The following RAB38 variants were observed in gnomAD, a reference collection of about 807,000 sequenced individuals.
RAB38 encodes ras-related protein Rab-38.
A neutral mutation model predicts 18.4 loss-of-function variants in RAB38; 15 were observed. The observed-to-expected ratio is 0.82, with a 90% confidence interval of 0.55 to 1.26. RAB38 has a LOEUF of 1.26. RAB38 is among the 50% of genes most tolerant of loss of function. RAB38 has a pLI of 0.00. For missense variants in RAB38, 294 were observed against 267.4 expected, an observed-to-expected ratio of 1.10 and a Z score of -0.69; for synonymous variants, 101 against 104.4, an observed-to-expected ratio of 0.97 and a Z score of 0.20.
At chr11:87,814,756 CAG>C in the RAB38 span, among the ~76,000 whole-genome samples, 7 of 147,822 alleles carry the variant, frequency 4.7e-5, no homozygotes, top group African/African-American at 1.8e-4. Context: ...TTTTTTGAGA[CAG>C]AGTCTCGCTC....
At chr11:88,043,420 C>A in the RAB38 span, among the ~76,000 whole-genome samples, 1 of 152,148 alleles carries the variant, frequency 6.6e-6, no homozygotes, top group South Asian at 2.1e-4. Context: ...TGTCAGACCT[C>A]TGAGCCCAAG....
chr11:87,901,340 C>T, the RAB38 span, among the ~76,000 whole-genome samples: 1 of 151,510 alleles, frequency 6.6e-6, no homozygotes. Context: ...AAACTACATG[C>T]CAAACCTATT....
chr11:88,058,811 T>C, the RAB38 span, among the ~76,000 whole-genome samples: 1 of 152,216 alleles, frequency 6.6e-6, no homozygotes, highest in African/African-American at 2.4e-5. Flanking sequence ...CTCTAATGTG[T>C]CTGGTTTGCC....
chr11:88,067,986 T>C, the RAB38 span, among the ~76,000 whole-genome samples: 2 of 147,878 alleles, frequency 1.4e-5, no homozygotes, highest in Non-Finnish European at 3.0e-5. Context: ...TATATACTTA[T>C]ATATATACAC....
At chr11:87,831,930 G>GT in the RAB38 span, among the ~76,000 whole-genome samples, 2 of 152,158 alleles carry the variant, frequency 1.3e-5, no homozygotes, top group Admixed American at 6.5e-5. Context: ...TAGGTTCAGG[G>GT]TAATTAAGGG....
rs201666552 is a variant in RAB38 at position 88,113,955 on chromosome 11, G to A, written c.*33C>T. The A allele has an allele frequency of 5.5e-5, 88 of 1,612,870 alleles. 1 individual carries two copies. The East Asian group carries it at 1.9e-3, about 36-fold the overall frequency. On this transcript the variant is annotated 3_prime_UTR_variant, in exon 3 of 3. Coordinates refer to ENST00000243662, the MANE Select transcript of RAB38 (RefSeq NM_022337.3). ...GAGGCACAATTTGTGGAACAATGAG[G>A]TCATTCCTACCAGACACCAGCAAAG... is the stretch of plus-strand genomic sequence containing the variant.
intron 1 of RAB38, among the ~76,000 whole-genome samples, chr11:88,172,953 T>C (rs1370657504): frequency 6.6e-6 from 1 of 152,228 alleles, no homozygotes; most frequent in Non-Finnish European, 1.5e-5. Context: ...ACTGAGATGT[T>C]GAATGTAACA....
chr11:88,120,647 C>G (rs932011801), intron 2 of RAB38, among the ~76,000 whole-genome samples: 3 of 152,184 alleles, frequency 2.0e-5, no homozygotes, highest in Admixed American at 2.0e-4. Flanking sequence ...ACAAAGGGAG[C>G]TCCTAAGATT....
At chr11:88,078,539 G>A in the RAB38 span, among the ~76,000 whole-genome samples, 11 of 125,990 alleles carry the variant, frequency 8.7e-5, no homozygotes, top group African/African-American at 3.5e-4. Context: ...ATATTATTAG[G>A]CCATAAAACA....
the RAB38 span, chr11:87,814,921 G>A: frequency 3.3e-5 from 5 of 152,092 alleles, no homozygotes; most frequent in African/African-American, 1.2e-4. Context: ...TTTTAGTAGA[G>A]ACAGGGTTTC....
the RAB38 span, among the ~76,000 whole-genome samples, chr11:87,935,619 G>A: frequency 6.6e-6 from 1 of 152,098 alleles, no homozygotes; most frequent in Non-Finnish European, 1.5e-5. Flanking sequence ...TAGCCTTACT[G>A]TTTTCCCCAG....
At chr11:88,083,168 C>T in the RAB38 span, among the ~76,000 whole-genome samples, 1 of 151,808 alleles carries the variant, frequency 6.6e-6, no homozygotes, top group Non-Finnish European at 1.5e-5. Context: ...ATTATCGTTA[C>T]AATAAAGCCT....
the RAB38 span, among the ~76,000 whole-genome samples, chr11:88,018,706 T>A: frequency 2.0e-5 from 3 of 152,296 alleles, no homozygotes; most frequent in Admixed American, 6.5e-5. Context: ...TGTGTAATAT[T>A]TGCATATAAC....
chr11:87,935,600 G>A, the RAB38 span, among the ~76,000 whole-genome samples: 1 of 152,146 alleles, frequency 6.6e-6, no homozygotes, highest in African/African-American at 2.4e-5. Flanking sequence ...AATGCAGATA[G>A]GTCCAGTGTA....
chr11:87,805,623 GCACA>G, the RAB38 span, among the ~76,000 whole-genome samples: 44 of 114,468 alleles, frequency 3.8e-4, no homozygotes, highest in East Asian at 1.1e-3. Context: ...ACACACACAC[GCACA>G]CACACACACA....
the RAB38 span, among the ~76,000 whole-genome samples, chr11:87,925,035 T>A: frequency 6.6e-6 from 1 of 151,970 alleles, no homozygotes; most frequent in Non-Finnish European, 1.5e-5. Flanking sequence ...GTGGTAGGGA[T>A]GGTGATGTCT....
chr11:87,897,805 G>A, the RAB38 span, among the ~76,000 whole-genome samples: 2 of 151,596 alleles, frequency 1.3e-5, no homozygotes, highest in South Asian at 4.2e-4. Flanking sequence ...GGATAAAATA[G>A]CTTTTCTTAC....
At chr11:87,874,613 C>G in the RAB38 span, among the ~76,000 whole-genome samples, 512 of 150,292 alleles carry the variant, frequency 3.4e-3, no homozygotes, top group African/African-American at 0.012. Flanking sequence ...CAAACCTGCA[C>G]GTTGTGCACA....
the RAB38 span, among the ~76,000 whole-genome samples, chr11:87,934,359 C>A: frequency 1.3e-5 from 2 of 152,002 alleles, no homozygotes; most frequent in African/African-American, 2.4e-5. Context: ...TATACATTTT[C>A]TAGTAAAATT....
Sources: allele counts gnomAD v4.1 joint callset (sites outside exome capture counted in the v4.1 genomes callset), GRCh38; gene constraint gnomAD v4.1.1; transcripts MANE v1.5; gene names NCBI Gene and HGNC (gene_info 2026-07-23, HGNC 2026-07-21).